Variants in MYO18A observed in about 807,000 individuals in gnomAD.
MYO18A encodes myosin XVIIIA, also known as unconventional myosin-XVIIIa.
Under a neutral mutation model 235.8 loss-of-function variants are expected in MYO18A, and 78 were observed. The observed-to-expected ratio is 0.33, with a 90% CI of 0.28 to 0.40. The LOEUF (loss-of-function observed/expected upper bound fraction) is 0.40, where lower values mean the gene tolerates loss of function less well. MYO18A is among the 10% of genes least tolerant of loss of function. MYO18A has a pLI of 1.00. For synonymous variants in MYO18A, 977 were observed against 1,077.8 expected, an observed-to-expected ratio of 0.91 and a Z score of 1.83; for missense variants, 2,215 against 2,699.3, an observed-to-expected ratio of 0.82 and a Z score of 3.98.
At chr17:29,128,858 T>C (rs954737630) in intron 2 of MYO18A, among the ~76,000 whole-genome samples, 21 of 152,200 alleles carry the variant, frequency 1.4e-4, no homozygotes, top group Non-Finnish European at 1.5e-4. Flanking sequence ...GAGAGGCCTA[T>C]GAGGTGCTCT....
rs1342663695 is a variant in MYO18A at position 29,106,259 on chromosome 17, T to C, written c.3441+821A>G. Among the ~76,000 whole-genome samples, 1 of 152,048 alleles carries C rather than the reference T, an allele frequency of 6.6e-6. No homozygotes were observed. Among genetic ancestry groups the C allele is most frequent in the East Asian group, 1.9e-4 (1 of 5,180 alleles). On this transcript the variant is annotated intron_variant, in intron 20 of 41. Transcript: ENST00000527372. The surrounding 1 kb of genome is among the most constrained non-coding windows in gnomAD (Gnocchi z 4.6). ...GTGAGAAGGGGGCGTGGGACGGGCATCTATGTCCACATGAGGTTGCCCAGG... is the reference window on the plus strand; with the variant it reads ...GTGAGAAGGGGGCGTGGGACGGGCACCTATGTCCACATGAGGTTGCCCAGG...
chr17:29,082,300 A>G lies in MYO18A; in HGVS notation c.6020+16T>C. 1 of 1,613,668 alleles carries G rather than the reference A, an allele frequency of 6.2e-7. No homozygotes were observed. Among genetic ancestry groups the G allele is most frequent in the Non-Finnish European group, 8.5e-7 (1 of 1,179,640 alleles). On this transcript the variant is annotated intron_variant, in intron 41 of 41. Transcript: ENST00000527372. The stretch of plus-strand genomic sequence containing the variant: ...ACAAGGTGGCTTTTCCTCCCAGCTC[A>G]AGGCCATATGCTCACCTGGAACTCT...
intron 39 of MYO18A, among the ~76,000 whole-genome samples, chr17:29,086,061 C>T (rs377415831): frequency 1.3e-5 from 2 of 152,262 alleles, no homozygotes; most frequent in South Asian, 2.1e-4. Flanking sequence ...AACCATTCCC[C>T]GGGTGGGTTT....
At chr17:29,154,391 CT>C (rs2068023884) in intron 2 of MYO18A, among the ~76,000 whole-genome samples, 1 of 152,162 alleles carries the variant, frequency 6.6e-6, no homozygotes, top group Non-Finnish European at 1.5e-5. Flanking sequence ...CTGCCTGCCC[CT>C]CACCTCATCT....
At position 29,086,465 on chromosome 17, in the gene MYO18A, C is replaced by G; in HGVS notation, c.5825G>C (p.Ser1942Thr). The change falls in exon 39 of 42, where the codon AGT (serine) becomes ACT (threonine). Residue 1942 changes from serine (S) to threonine (T), a missense_variant. Transcript: ENST00000527372. ...GTTGATGAGGTCCTCATTCTCATCA[C>G]TCTCCATCTCATCCTCAATGGCAGC... The part of the protein sequence containing the change: ...LQAAIEDEME[S>T]DENEDLINSL... The G allele has an allele frequency of 1.2e-6, 2 of 1,607,568 alleles. No homozygotes were observed. Among genetic ancestry groups the G allele is most frequent in the Non-Finnish European group, 1.7e-6 (2 of 1,176,902 alleles).
At chr17:29,104,312 G>A (rs943535543) in intron 20 of MYO18A, among the ~76,000 whole-genome samples, 10 of 152,328 alleles carry the variant, frequency 6.6e-5, no homozygotes, top group African/African-American at 2.2e-4. Flanking sequence ...GGAAAGAGAA[G>A]AGGAGAACAC....
chr17:29,081,388 A>G (rs1371318403), intron 41 of MYO18A, among the ~76,000 whole-genome samples: 1 of 152,158 alleles, frequency 6.6e-6, no homozygotes, highest in Non-Finnish European at 1.5e-5. Context: ...CTGCAATAAC[A>G]AAATGTTGTT....
At chr17:29,143,844 C>G (rs537766763) in intron 2 of MYO18A, among the ~76,000 whole-genome samples, 100 of 152,306 alleles carry the variant, frequency 6.6e-4, no homozygotes, top group Non-Finnish European at 1.3e-3. Flanking sequence ...CATGATGACT[C>G]CTGACTTCCT....
At chr17:29,152,078 G>A (rs1215851157) in intron 2 of MYO18A, among the ~76,000 whole-genome samples, 1 of 152,160 alleles carries the variant, frequency 6.6e-6, no homozygotes, top group Non-Finnish European at 1.5e-5. Context: ...GTTGTGTTCC[G>A]TCACAGAGAC....
intron 1 of MYO18A, among the ~76,000 whole-genome samples, chr17:29,168,870 G>A (rs1206370580): frequency 6.6e-6 from 1 of 152,166 alleles, no homozygotes; most frequent in African/African-American, 2.4e-5. Flanking sequence ...GGCTGAGGCA[G>A]GCAGATCACT....
intron 2 of MYO18A, among the ~76,000 whole-genome samples, chr17:29,160,583 G>A (rs779515336): frequency 6.6e-6 from 1 of 152,206 alleles, no homozygotes; most frequent in Admixed American, 6.5e-5. Flanking sequence ...AATATTTACT[G>A]AGGGAAAAGT....
At chr17:29,080,183 T>A (rs2066084702) in intron 41 of MYO18A, 1 of 985,912 alleles carries the variant, frequency 1.0e-6, no homozygotes. Context: ...CTTTGGATGC[T>A]CTTCCTGTCA....
intron 2 of MYO18A, among the ~76,000 whole-genome samples, chr17:29,164,352 C>T (rs2068236750): frequency 6.6e-6 from 1 of 152,182 alleles, no homozygotes; most frequent in Admixed American, 6.5e-5. Context: ...TCCTCCCATT[C>T]ACTACCCTTC....
At chr17:29,080,555 C>G in intron 41 of MYO18A, 2 of 985,958 alleles carry the variant, frequency 2.0e-6, no homozygotes, top group Non-Finnish European at 2.4e-6. Flanking sequence ...GAGAGGCTGT[C>G]GAGCCGGGAG....
chr17:29,110,080 T>C lies in MYO18A; in HGVS notation c.3109A>G (p.Lys1037Glu), dbSNP rs1258841708. The C allele has an allele frequency of 6.2e-7, 1 of 1,611,850 alleles. No homozygotes were observed. Among genetic ancestry groups the C allele is most frequent in the South Asian group, 1.1e-5 (1 of 91,064 alleles). The change falls in exon 19 of 42, where the codon AAG becomes GAG. Residue 1037 changes from lysine to glutamate, a missense_variant. By Grantham distance (56) the Lys-to-Glu change is moderately conservative. Transcript: ENST00000527372. The stretch of plus-strand genomic sequence containing the variant: ...TGCACAAAATGCAGCTTTGACTTCT[T>C]GATGGTGTCGATGAGGGCGTCCTGC... ...LQVDALIDTI[K>E]KSKLHFVHCF...
intron 19 of MYO18A, among the ~76,000 whole-genome samples, chr17:29,108,234 G>C (rs1329738679): frequency 1.3e-5 from 2 of 152,154 alleles, no homozygotes; most frequent in African/African-American, 4.8e-5. Context: ...CCCTGACCTT[G>C]AGTCCTAGGC....
chr17:29,127,622 C>G (rs2067353738), intron 2 of MYO18A, among the ~76,000 whole-genome samples: 1 of 152,264 alleles, frequency 6.6e-6, no homozygotes, highest in African/African-American at 2.4e-5. Context: ...CAACATGCTG[C>G]TTAGCAGTTT....
chr17:29,110,233 G>C, intron 18 of MYO18A, 132 bp from the exon 19 acceptor site: 1 of 1,379,460 alleles, frequency 7.2e-7, no homozygotes, highest in Non-Finnish European at 9.7e-7. Flanking sequence ...TGCTAAACCT[G>C]GACAACTCTG....
At chr17:29,163,640 T>C (rs1361294320) in intron 2 of MYO18A, among the ~76,000 whole-genome samples, 1 of 152,186 alleles carries the variant, frequency 6.6e-6, no homozygotes, top group Non-Finnish European at 1.5e-5. Context: ...AGGGATGGGA[T>C]AGCAGCAGAT....
Sources: allele counts gnomAD v4.1 joint callset (sites outside exome capture counted in the v4.1 genomes callset), GRCh38; gene constraint gnomAD v4.1.1; non-coding constraint Gnocchi (gnomAD v3.1); transcripts MANE v1.5; gene names NCBI Gene and HGNC (gene_info 2026-07-23, HGNC 2026-07-21).